Variants in KCND2 observed in about 807,000 individuals in gnomAD.
The protein encoded by KCND2 is A-type voltage-gated potassium channel KCND2.
Under a neutral mutation model 54.4 loss-of-function variants are expected in KCND2, and 16 were observed. The ratio of observed to expected loss-of-function variants is 0.29; its 90% CI spans 0.20 to 0.45. KCND2 has a LOEUF of 0.45. Among genes scored for constraint, KCND2 ranks in the 20% least tolerant of loss-of-function variants. KCND2 has a pLI of 1.00. For missense variants in KCND2, 486 were observed against 824.2 expected (o/e 0.59, Z 5.02); for synonymous variants, 317 against 310.7 (o/e 1.02, Z -0.21).
At chr7:120,364,731 C>A (rs975091423) in intron 1 of KCND2, among the ~76,000 whole-genome samples, 1 of 151,952 alleles carries the variant, frequency 6.6e-6, no homozygotes, top group Non-Finnish European at 1.5e-5. Context: ...TGAAGACAGG[C>A]CAGCATGATC....
At chr7:120,634,548 C>T (rs1478376305) in intron 1 of KCND2, among the ~76,000 whole-genome samples, 1 of 152,092 alleles carries the variant, frequency 6.6e-6, no homozygotes, top group Non-Finnish European at 1.5e-5. Flanking sequence ...ACTTGCCGTG[C>T]CCTGTTCACC....
At chr7:120,724,763 C>G (rs935499727) in intron 1 of KCND2, among the ~76,000 whole-genome samples, 1 of 152,136 alleles carries the variant, frequency 6.6e-6, no homozygotes, top group African/African-American at 2.4e-5. Context: ...GCTGGGAAAG[C>G]CAGTCCCTAG....
intron 1 of KCND2, among the ~76,000 whole-genome samples, chr7:120,598,408 A>G (rs1000429663): frequency 2.0e-5 from 3 of 152,132 alleles, no homozygotes; most frequent in Admixed American, 6.6e-5. Flanking sequence ...GCTCTTCTTT[A>G]TATAGGATTG....
chr7:120,500,660 T>C (rs1224355796), intron 1 of KCND2, among the ~76,000 whole-genome samples: 1 of 151,858 alleles, frequency 6.6e-6, no homozygotes, highest in African/African-American at 2.4e-5. Context: ...AACAGCAAAA[T>C]TAAAATTATG....
At chr7:120,347,725 C>T (rs1800342154) in intron 1 of KCND2, among the ~76,000 whole-genome samples, 3 of 151,374 alleles carry the variant, frequency 2.0e-5, no homozygotes, top group South Asian at 4.2e-4. Flanking sequence ...CCATCACACT[C>T]CAGCCTGGGC....
chr7:120,278,180 G>A (rs1246204947), intron 1 of KCND2, among the ~76,000 whole-genome samples: 9 of 151,850 alleles, frequency 5.9e-5, no homozygotes, highest in African/African-American at 2.2e-4. Context: ...AATGTATTAT[G>A]TATTGTACCC....
intron 1 of KCND2, among the ~76,000 whole-genome samples, chr7:120,479,840 G>A (rs922242700): frequency 2.7e-4 from 40 of 145,762 alleles, no homozygotes; most frequent in Admixed American, 1.7e-3. Context: ...GTGGTGGCAC[G>A]TACCTGTAAT....
chr7:120,498,782 A>G (rs802347), intron 1 of KCND2, among the ~76,000 whole-genome samples: 17,529 of 152,086 alleles, frequency 0.12, 1,585 homozygotes, highest in East Asian at 0.49. Context: ...CTCAAAAACA[A>G]ATACGAAAAA....
chr7:120,601,311 T>C (rs1435091963), intron 1 of KCND2, among the ~76,000 whole-genome samples: 1 of 152,152 alleles, frequency 6.6e-6, no homozygotes, highest in Non-Finnish European at 1.5e-5. Context: ...GCTGCAGTGA[T>C]AGAACTCTTA....
intron 1 of KCND2, among the ~76,000 whole-genome samples, chr7:120,574,308 G>A (rs1792399948): frequency 6.6e-6 from 1 of 152,114 alleles, no homozygotes; most frequent in Admixed American, 6.5e-5. Context: ...CTTTGACCAT[G>A]CAATGAACAG....
At chr7:120,527,691 T>C (rs1289880408) in intron 1 of KCND2, among the ~76,000 whole-genome samples, 1 of 151,600 alleles carries the variant, frequency 6.6e-6, no homozygotes, top group Non-Finnish European at 1.5e-5. Context: ...TTAATTGCCA[T>C]TAAAAAAAAC....
chr7:120,560,800 A>G lies in KCND2; in HGVS notation c.1116-172103A>G, dbSNP rs149739357. Among the ~76,000 whole-genome samples the G allele has an allele frequency of 7.9e-5, 12 of 152,262 alleles. No individual in the cohort carries two copies. The East Asian group carries it at 2.3e-3, about 29-fold the overall frequency. On this transcript the variant is annotated intron_variant, in intron 1 of 5. Coordinates refer to ENST00000331113, the MANE Select transcript of KCND2 (RefSeq NM_012281.3). Reference sequence around the variant, plus strand: ...ATTTTAAGCACTGAGTAATTGCTCAAATTTATTGGAATCATAAATGTTAAA... The same window carrying G: ...ATTTTAAGCACTGAGTAATTGCTCAGATTTATTGGAATCATAAATGTTAAA...
chr7:120,432,488 T>C (rs1013026451), intron 1 of KCND2, among the ~76,000 whole-genome samples: 11 of 145,722 alleles, frequency 7.5e-5, no homozygotes, highest in African/African-American at 3.1e-4. Flanking sequence ...TGTTTGCATG[T>C]ATGTGAATAC....
chr7:120,274,571 G>T lies in KCND2; in HGVS notation c.-62G>T. The T allele has an allele frequency of 6.2e-7, 1 of 1,602,772 alleles. No homozygotes were observed. On this transcript the variant is annotated 5_prime_UTR_variant, in exon 1 of 6. Transcript: ENST00000331113. ...TGACTGGAGGAAGTGGGTGACTTTT[G>T]GCTGCTTCGGTGACCCATTGTAGAC...
chr7:120,290,760 A>G (rs946495883), intron 1 of KCND2, among the ~76,000 whole-genome samples: 1 of 151,900 alleles, frequency 6.6e-6, no homozygotes, highest in African/African-American at 2.4e-5. Context: ...TTTTTCTTGC[A>G]TGCCAACTTT....
In KCND2 at chr7:120,339,967, C is replaced by T. The variant is rs76587312; in HGVS notation, c.1115+64220C>T. Among the ~76,000 whole-genome samples the T allele has an allele frequency of 2.0e-4, 30 of 152,186 alleles. No homozygotes were observed. The East Asian group carries it at 5.8e-3, about 29-fold the overall frequency. On this transcript the variant is annotated intron_variant, in intron 1 of 5. Transcript: ENST00000331113. ...TATGTTCACTGTATAATAAAGAGGA[C>T]AGGTGGCTAAAGGTAAGTGAATGAG...
chr7:120,482,291 T>C (rs1226005477), intron 1 of KCND2, among the ~76,000 whole-genome samples: 18 of 152,210 alleles, frequency 1.2e-4, no homozygotes, highest in Admixed American at 6.6e-5. Context: ...GATCAAAAGC[T>C]GAAGGCAATT....
intron 1 of KCND2, among the ~76,000 whole-genome samples, chr7:120,483,324 A>G (rs1347628075): frequency 6.6e-6 from 1 of 152,218 alleles, no homozygotes; most frequent in Non-Finnish European, 1.5e-5. Flanking sequence ...GTACATATCA[A>G]GTTTGAGATG....
chr7:120,615,220 A>T (rs1409684599), intron 1 of KCND2, among the ~76,000 whole-genome samples: 1 of 152,128 alleles, frequency 6.6e-6, no homozygotes, highest in African/African-American at 2.4e-5. Flanking sequence ...TTTATTCAGA[A>T]ATCTGTACAC....
Sources: allele counts gnomAD v4.1 joint callset (sites outside exome capture counted in the v4.1 genomes callset), GRCh38; gene constraint gnomAD v4.1.1; transcripts MANE v1.5; gene names NCBI Gene and HGNC (gene_info 2026-07-23, HGNC 2026-07-21).